Variants in VAV1 observed in about 807,000 individuals in gnomAD.
VAV1 encodes vav guanine nucleotide exchange factor 1.
In VAV1, 33 loss-of-function variants were observed where a neutral mutation model predicts 128.1. The observed-to-expected ratio is 0.26, with a 90% CI of 0.20 to 0.34. The LOEUF is 0.34. Ranked by LOEUF, VAV1 falls within the 10% of genes least tolerant of loss-of-function variation. VAV1 has a pLI of 1.00. For synonymous variants in VAV1, 394 were observed against 409.8 expected (o/e 0.96, Z 0.47); for missense variants, 715 against 1,093.7 (o/e 0.65, Z 4.88).
In VAV1 at chr19:6,832,119, A is replaced by G. The variant is rs1315125144; in HGVS notation, c.1427A>G (p.Asp476Gly). The G allele has an allele frequency of 6.2e-7, 1 of 1,614,082 alleles. No individual in the cohort carries two copies. Among genetic ancestry groups the G allele is most frequent in the East Asian group, 2.2e-5 (1 of 44,876 alleles). The change falls in exon 15 of 27, where the codon GAC (aspartate) becomes GGC (glycine). Residue 476 changes from aspartate to glycine, a missense_variant. By Grantham distance (94) the Asp-to-Gly change is moderately conservative. Around this residue, in one of 3 missense-constraint regions of VAV1, gnomAD observed 407 missense variants for 580.6 expected, o/e 0.70. Transcript: ENST00000602142. ...KWSHMFLLIEDQGAQGYELFF... is the reference protein window; with the variant it reads ...KWSHMFLLIEGQGAQGYELFF... ...AGCCACATGTTCCTCCTGATCGAGG[A>G]CCAAGGTGCCCAGGGCTATGAGCTG...
At chr19:6,814,639 CCTTCCTT>C (rs1292416521) in intron 1 of VAV1, among the ~76,000 whole-genome samples, 1 of 68,666 alleles carries the variant, frequency 1.5e-5, no homozygotes, top group Non-Finnish European at 2.5e-5. Flanking sequence ...TTCTTTCTCT[CCTTCCTT>C]CCTTCCTTCC....
At chr19:6,840,398 C>T (rs897975905) in intron 21 of VAV1, among the ~76,000 whole-genome samples, 12 of 151,516 alleles carry the variant, frequency 7.9e-5, no homozygotes, top group African/African-American at 2.9e-4. Context: ...CTCCACTTCC[C>T]GGGTTCACAC....
intron 1 of VAV1, among the ~76,000 whole-genome samples, chr19:6,774,249 T>C (rs1970568297): frequency 6.6e-6 from 1 of 151,962 alleles, no homozygotes; most frequent in South Asian, 2.1e-4. Flanking sequence ...TGCCTCAGCC[T>C]CCCGAGTAGC....
chr19:6,796,349 TG>T (rs34446835), intron 1 of VAV1, among the ~76,000 whole-genome samples: 32,873 of 151,832 alleles, frequency 0.22, 5,534 homozygotes, highest in African/African-American at 0.47. Context: ...ATGGGGTGCT[TG>T]GGGTGACAGC....
intron 26 of VAV1, among the ~76,000 whole-genome samples, chr19:6,855,781 C>G (rs1972780721): frequency 6.6e-6 from 1 of 151,072 alleles, no homozygotes; most frequent in South Asian, 2.1e-4. Context: ...ATTCACCAAC[C>G]CAAGTATCCA....
At chr19:6,849,216 C>G (rs189845553) in intron 23 of VAV1, among the ~76,000 whole-genome samples, 8 of 149,572 alleles carry the variant, frequency 5.3e-5, no homozygotes, top group Non-Finnish European at 7.4e-5. Context: ...ATCATATACT[C>G]GGTAGTTTTT....
chr19:6,838,430 TCCA>T (rs776808200), intron 21 of VAV1, among the ~76,000 whole-genome samples: 1 of 144,114 alleles, frequency 6.9e-6, no homozygotes, highest in Non-Finnish European at 1.5e-5. Context: ...CATCCATCCA[TCCA>T]TCCATCTATC....
chr19:6,825,465 C>A, intron 8 of VAV1, 59 bp downstream of exon 8: 1 of 1,453,732 alleles, frequency 6.9e-7, no homozygotes, highest in Non-Finnish European at 9.5e-7. Context: ...CTAGGCTGGG[C>A]ATCTGAGAGA....
chr19:6,811,988 A>G (rs1971522137), intron 1 of VAV1, among the ~76,000 whole-genome samples: 1 of 152,156 alleles, frequency 6.6e-6, no homozygotes, highest in African/African-American at 2.4e-5. Flanking sequence ...GGGAGAGAGG[A>G]GGTATGGAGA....
intron 1 of VAV1, among the ~76,000 whole-genome samples, chr19:6,788,189 C>G (rs1027741923): frequency 6.6e-6 from 1 of 151,994 alleles, no homozygotes; most frequent in African/African-American, 2.4e-5. Context: ...CTGCCTCAGC[C>G]TCCCAAAGCT....
At chr19:6,810,483 C>A (rs1162807502) in intron 1 of VAV1, among the ~76,000 whole-genome samples, 1 of 152,038 alleles carries the variant, frequency 6.6e-6, no homozygotes, top group Non-Finnish European at 1.5e-5. Flanking sequence ...GTGGGTGGAT[C>A]CCCTGAGGTC....
chr19:6,850,751 G>C lies in VAV1; in HGVS notation c.2211G>C (p.Gly737=), dbSNP rs146975138. 1.3e-3 allele frequency: 2,093 copies of C among 1,613,994 alleles called. 39 individuals carry two copies. In the South Asian group the frequency reaches 0.02, roughly 16 times the overall value. The change falls in exon 24 of 27, where the codon GGG becomes GGC. Residue 737 remains glycine (G), a synonymous_variant. Transcript: ENST00000602142. The part of the protein sequence containing the change: ...YRITEKKAFR[G]LTELVEFYQQ... ...TCACAGAGAAAAAGGCTTTCCGGGG[G>C]CTTACGGTAAGGGTCAATGTCCGCT...
intron 1 of VAV1, among the ~76,000 whole-genome samples, chr19:6,791,447 G>A (rs1971016987): frequency 6.6e-6 from 1 of 151,872 alleles, no homozygotes; most frequent in Non-Finnish European, 1.5e-5. Context: ...AGGTCCTTGA[G>A]CTAGCTCCTT....
intron 1 of VAV1, among the ~76,000 whole-genome samples, chr19:6,773,599 A>T (rs1221695880): frequency 6.6e-6 from 1 of 151,934 alleles, no homozygotes. Context: ...TCCATCTCAG[A>T]GGAGATAGTA....
rs748214081 is a variant in VAV1, at chr19:6,850,667, C to T, written c.2130-3C>T. On this transcript the variant is annotated splice_polypyrimidine_tract_variant and splice_region_variant and intron_variant, in intron 23 of 26. Coordinates refer to ENST00000602142, the MANE Select transcript of VAV1 (RefSeq NM_005428.4). The stretch of plus-strand genomic sequence containing the variant: ...TCAGGGCCCGGTGACCATCTGGTTC[C>T]AGATATAACGTCGAGGTCAAGCACA... 2 of 1,613,954 alleles carry T rather than the reference C, an allele frequency of 1.2e-6. No individual in the cohort carries two copies. Among genetic ancestry groups the T allele is most frequent in the South Asian group, 1.1e-5 (1 of 91,056 alleles).
intron 1 of VAV1, among the ~76,000 whole-genome samples, chr19:6,780,064 TC>T (rs200248407): frequency 0.32 from 46,591 of 146,770 alleles, 9,986 homozygotes; most frequent in African/African-American, 0.54. Flanking sequence ...TGAGCCGAGA[TC>T]AGGCCACTGC....
At chr19:6,809,990 A>G (rs1971480842) in intron 1 of VAV1, among the ~76,000 whole-genome samples, 1 of 152,026 alleles carries the variant, frequency 6.6e-6, no homozygotes, top group East Asian at 1.9e-4. Context: ...GGACAATGTA[A>G]CAAGACCCTG....
In VAV1 at chr19:6,799,293, G is replaced by A. The variant is rs966172454; in HGVS notation, c.205-21409G>A. 3.3e-5 allele frequency among the ~76,000 whole-genome samples: 5 copies of A among 152,054 alleles called. No individual in the cohort carries two copies. The East Asian group carries it at 5.8e-4, about 18-fold the overall frequency. On this transcript the variant is annotated intron_variant, in intron 1 of 26. Coordinates refer to ENST00000602142, the MANE Select transcript of VAV1 (RefSeq NM_005428.4). Reference sequence around the variant, plus strand: ...AGCGATTCTTCTGCCTCAGCCTCTCGAACAGCTGGGACTACAGGTGTGCGC... The same window carrying A: ...AGCGATTCTTCTGCCTCAGCCTCTCAAACAGCTGGGACTACAGGTGTGCGC...
At chr19:6,798,382 C>T (rs905415429) in intron 1 of VAV1, among the ~76,000 whole-genome samples, 2 of 151,964 alleles carry the variant, frequency 1.3e-5, no homozygotes, top group Admixed American at 1.3e-4. Context: ...AATCTCGCCC[C>T]TTTGGGAAGC....
Sources: gnomAD v4.1 joint callset for allele counts (sites outside exome capture counted in the v4.1 genomes callset) on GRCh38, gnomAD v4.1.1 for gene constraint, gnomAD v4.1.1 regional missense constraint, MANE v1.5 for transcripts, NCBI Gene and HGNC (gene_info 2026-07-23, HGNC 2026-07-21) for gene names.